The following ANO3 variants were observed in gnomAD, a reference collection of about 807,000 sequenced individuals.
ANO3 encodes anoctamin 3, also known as anoctamin-3.
Under a neutral mutation model 144.8 loss-of-function variants are expected in ANO3, and 99 were observed. The ratio of observed to expected loss-of-function variants is 0.68; its 90% CI spans 0.58 to 0.81. The LOEUF is 0.81. Ranked by LOEUF, ANO3 falls within the 30% of genes least tolerant of loss-of-function variation. The pLI, the probability that ANO3 is intolerant of heterozygous loss-of-function variation, is 0.00. For missense variants in ANO3, 905 were observed against 1,202.2 expected (o/e 0.75, Z 3.66); for synonymous variants, 414 against 392.6 (o/e 1.05, Z -0.64).
chr11:26,514,649 G>T (rs1022488947), intron 5 of ANO3, among the ~76,000 whole-genome samples: 3 of 152,044 alleles, frequency 2.0e-5, no homozygotes, highest in African/African-American at 7.2e-5. Flanking sequence ...ACTATGCTTG[G>T]TGAGAGGCAA....
chr11:26,595,466 T>TG (rs1189856058), intron 14 of ANO3, among the ~76,000 whole-genome samples: 2 of 143,870 alleles, frequency 1.4e-5, no homozygotes, highest in African/African-American at 2.6e-5. Flanking sequence ...AGTTGTTTTT[T>TG]TTTTTTTTTT....
intron 1 of ANO3, among the ~76,000 whole-genome samples, chr11:26,291,367 G>T (rs1006589036): frequency 7.2e-5 from 11 of 152,066 alleles, no homozygotes; most frequent in African/African-American, 2.7e-4. Context: ...TATCCAATTT[G>T]CCAGTCTGTG....
upstream of ANO3, among the ~76,000 whole-genome samples, chr11:26,305,015 T>C (rs1165072464): frequency 1.3e-5 from 2 of 151,922 alleles, no homozygotes; most frequent in African/African-American, 4.8e-5. Context: ...ACTGCTTTTT[T>C]TTAAAAAAAA....
intron 1 of ANO3, among the ~76,000 whole-genome samples, chr11:26,304,312 A>G (rs907794495): frequency 1.3e-5 from 2 of 152,182 alleles, no homozygotes; most frequent in African/African-American, 4.8e-5. Flanking sequence ...TGTCCTCTAC[A>G]TAATGCTTTA....
chr11:26,283,652 T>C (rs1433339909), intron 1 of ANO3, among the ~76,000 whole-genome samples: 3 of 152,092 alleles, frequency 2.0e-5, no homozygotes, highest in Non-Finnish European at 4.4e-5. Context: ...GTGTGCCCAG[T>C]AATTTTATAA....
At chr11:26,283,366 A>T (rs927063410) in intron 1 of ANO3, among the ~76,000 whole-genome samples, 2 of 117,594 alleles carry the variant, frequency 1.7e-5, no homozygotes, top group Non-Finnish European at 1.8e-5. Context: ...ATATATATAT[A>T]GCGAGCATTT....
chr11:26,367,266 CCA>C (rs1856119350), intron 1 of ANO3, among the ~76,000 whole-genome samples: 2 of 152,198 alleles, frequency 1.3e-5, no homozygotes, highest in Non-Finnish European at 2.9e-5. Context: ...GGCTCTTCTT[CCA>C]CCAGATGCCC....
intron 17 of ANO3, among the ~76,000 whole-genome samples, chr11:26,608,042 T>C (rs1851984683): frequency 6.6e-6 from 1 of 152,226 alleles, no homozygotes; most frequent in Non-Finnish European, 1.5e-5. Context: ...CAGCATTTTT[T>C]CGTTGATTCT....
intron 3 of ANO3, among the ~76,000 whole-genome samples, chr11:26,448,724 A>G (rs972430056): frequency 1.9e-5 from 2 of 103,242 alleles, no homozygotes; most frequent in African/African-American, 6.8e-5. Flanking sequence ...CTGAAGGAAC[A>G]TATTTTTCAG....
At chr11:26,443,359 TGGGA>T (rs1858590719) in intron 2 of ANO3, among the ~76,000 whole-genome samples, 7 of 152,046 alleles carry the variant, frequency 4.6e-5, no homozygotes, top group Non-Finnish European at 1.0e-4. Context: ...CCCAGCACTT[TGGGA>T]GGCCAAAGTG....
chr11:26,475,571 A>G (rs563196919), intron 4 of ANO3, among the ~76,000 whole-genome samples: 13 of 152,046 alleles, frequency 8.6e-5, no homozygotes, highest in Non-Finnish European at 1.6e-4. Flanking sequence ...GCAATTTTCC[A>G]TACTTACACC....
intron 4 of ANO3, among the ~76,000 whole-genome samples, chr11:26,467,263 A>G (rs908666009): frequency 8.6e-5 from 13 of 151,984 alleles, no homozygotes; most frequent in African/African-American, 3.1e-4. Flanking sequence ...TGAGGTATCC[A>G]TCACCTCACG....
intron 13 of ANO3, 95 bp from the exon 14 acceptor site, chr11:26,559,624 T>C (rs1850202240): frequency 1.4e-5 from 12 of 838,802 alleles, no homozygotes; most frequent in South Asian, 8.4e-5. Context: ...ATGATTCTAT[T>C]TGAGAAAAAA....
At chr11:26,449,777 G>A (rs1858855134) in intron 3 of ANO3, among the ~76,000 whole-genome samples, 1 of 150,922 alleles carries the variant, frequency 6.6e-6, no homozygotes, top group African/African-American at 2.4e-5. Flanking sequence ...TTTTGAGATG[G>A]TATTTTGCTG....
intron 1 of ANO3, among the ~76,000 whole-genome samples, chr11:26,224,816 G>A (rs1852223509): frequency 1.3e-5 from 2 of 152,170 alleles, no homozygotes; most frequent in Admixed American, 6.5e-5. Context: ...TGTATGCTGG[G>A]CTTTGATCCA....
At chr11:26,393,455 A>G (rs955259005) in intron 1 of ANO3, among the ~76,000 whole-genome samples, 1 of 152,160 alleles carries the variant, frequency 6.6e-6, no homozygotes, top group East Asian at 1.9e-4. Context: ...ATGAATATCT[A>G]TAGGCATATG....
At chr11:26,365,324 G>T (rs537287834) in intron 1 of ANO3, among the ~76,000 whole-genome samples, 24 of 152,304 alleles carry the variant, frequency 1.6e-4, no homozygotes, top group African/African-American at 5.5e-4. Context: ...CCAGGTGTAG[G>T]TTGCAAGCTG....
At chr11:26,376,891 T>G (rs1242193285) in intron 1 of ANO3, among the ~76,000 whole-genome samples, 1 of 152,162 alleles carries the variant, frequency 6.6e-6, no homozygotes, top group Non-Finnish European at 1.5e-5. Context: ...ATAGGAGCCA[T>G]GCAAAGCAGA....
At chr11:26,229,795 C>A (rs1852349818) in intron 1 of ANO3, among the ~76,000 whole-genome samples, 1 of 151,958 alleles carries the variant, frequency 6.6e-6, no homozygotes, top group South Asian at 2.1e-4. Context: ...CATCCAATTA[C>A]CCACTATTCA....
Sources: gnomAD v4.1 joint callset for allele counts (sites outside exome capture counted in the v4.1 genomes callset) on GRCh38, gnomAD v4.1.1 for gene constraint, MANE v1.5 for transcripts, NCBI Gene and HGNC (gene_info 2026-07-23, HGNC 2026-07-21) for gene names.